Variants in SIGIRR observed in about 807,000 individuals in gnomAD.
SIGIRR encodes single Ig IL-1-related receptor.
In SIGIRR, 41 loss-of-function variants were observed where a neutral mutation model predicts 45.6. The observed-to-expected ratio is 0.90, with a 90% CI of 0.70 to 1.17. The LOEUF (loss-of-function observed/expected upper bound fraction) is 1.17. Among genes scored for constraint, SIGIRR ranks in the 50% most tolerant of loss-of-function variants. The pLI, the probability that SIGIRR is intolerant of heterozygous loss-of-function variation, is 0.00. For synonymous variants in SIGIRR, 298 were observed against 239.0 expected (o/e 1.25, Z -2.28); for missense variants, 599 against 539.6 (o/e 1.11, Z -1.09).
intron 1 of SIGIRR, among the ~76,000 whole-genome samples, chr11:413,281 C>G (rs971457852): frequency 6.6e-6 from 1 of 152,178 alleles, no homozygotes; most frequent in East Asian, 1.9e-4. Context: ...GCAGTTTCCT[C>G]GGGAACCGAT....
chr11:407,613 A>G, intron 5 of SIGIRR, 45 bp from the exon 6 acceptor site: 3 of 1,592,430 alleles, frequency 1.9e-6, no homozygotes, highest in Non-Finnish European at 2.6e-6. Flanking sequence ...GAGGCCTCAC[A>G]CCAGCCCTCG....
chr11:408,390 C>T (rs1847449944), intron 3 of SIGIRR, among the ~76,000 whole-genome samples, 184 bp from the exon 4 acceptor site: 2 of 152,196 alleles, frequency 1.3e-5, no homozygotes, highest in Admixed American at 1.3e-4. Context: ...ACAGCCGTCC[C>T]AGTCCTGGGT....
At position 408,167 on chromosome 11, in the gene SIGIRR, G is replaced by C. The variant is rs1847438738; in HGVS notation, c.246C>G (p.Val82=). ...CAGTGCTGGTCACGTTGACCCCCAG[G>C]ACACTGGACACAAGCACCTCTGACA... ...ANLSEVLVSS[V]LGVNVTSTEV... The change falls in exon 4 of 10, where the codon GTC becomes GTG. Residue 82 remains valine (V), a synonymous_variant. Transcript: ENST00000431843. 6.2e-7 allele frequency: 1 copy of C among 1,612,646 alleles called. No homozygotes were observed. Among genetic ancestry groups the C allele is most frequent in the Non-Finnish European group, 8.5e-7 (1 of 1,179,966 alleles).
chr11:409,672 C>T, intron 2 of SIGIRR, 196 bp downstream of exon 2: 1 of 496,316 alleles, frequency 2.0e-6, no homozygotes, highest in Non-Finnish European at 3.4e-6. Flanking sequence ...GGAGAGGGTG[C>T]AGGGCTCATC....
chr11:408,166 G>T lies in SIGIRR; in HGVS notation c.247C>A (p.Leu83Met), dbSNP rs1443923529. Residue 83 changes from leucine (L) to methionine (M), a missense_variant, in exon 4 of 10, where the codon CTG (leucine) becomes ATG (methionine). Physicochemically the swap from Leu to Met is conservative, Grantham distance 15. Coordinates refer to ENST00000431843, the MANE Select transcript of SIGIRR (RefSeq NM_001135054.2). Reference sequence around the variant, plus strand: ...TCAGTGCTGGTCACGTTGACCCCCAGGACACTGGACACAAGCACCTCTGAC... The same window carrying T: ...TCAGTGCTGGTCACGTTGACCCCCATGACACTGGACACAAGCACCTCTGAC... The part of the protein sequence containing the change: ...NLSEVLVSSV[L>M]GVNVTSTEVY... The T allele has an allele frequency of 2.5e-6, 4 of 1,612,674 alleles. No homozygotes were observed. Among genetic ancestry groups the T allele is most frequent in the Non-Finnish European group, 3.4e-6 (4 of 1,179,968 alleles).
chr11:415,330 T>G (rs1199881420), upstream of SIGIRR, among the ~76,000 whole-genome samples: 19 of 121,836 alleles, frequency 1.6e-4, no homozygotes, highest in South Asian at 1.1e-3. The surrounding 1 kb of genome is among the most constrained non-coding windows in gnomAD (Gnocchi z 6.6). Context: ...TGTTGTGGGG[T>G]GGGGGGTGCT....
At chr11:406,629 G>T in intron 8 of SIGIRR, 91 bp from the exon 9 acceptor site, 1 of 1,470,438 alleles carries the variant, frequency 6.8e-7, no homozygotes, top group Non-Finnish European at 9.0e-7. Context: ...GGCTGCCCAC[G>T]GGTTCCACGC....
chr11:409,130 T>C (rs1847480709), intron 2 of SIGIRR: 4 of 573,304 alleles, frequency 7.0e-6, no homozygotes, highest in African/African-American at 1.9e-5. Context: ...GTGGCCACAG[T>C]TGAGCTGCCC....
At position 405,979 on chromosome 11, in the gene SIGIRR, C is replaced by G. The variant is rs754950145; in HGVS notation, c.1150G>C (p.Glu384Gln). The stretch of plus-strand genomic sequence containing the variant: ...GAGCCGAGATCCGAGACGTCCACTT[C>G]GCTGCTCCGGCTCTCTCCCAGCGAG... ...GVSLGESRSS[E>Q]VDVSDLGSRN... Residue 384 changes from glutamate to glutamine, a missense_variant, in exon 10 of 10, where the codon GAA (glutamate) becomes CAA (glutamine). Glu to Gln is a conservative substitution (Grantham distance 29). Coordinates refer to ENST00000431843, the MANE Select transcript of SIGIRR (RefSeq NM_001135054.2). 6.2e-7 allele frequency: 1 copy of G among 1,612,382 alleles called. No individual in the cohort carries two copies. Among genetic ancestry groups the G allele is most frequent in the Non-Finnish European group, 8.5e-7 (1 of 1,179,778 alleles).
chr11:415,207 CGTGTGTGTGTGTGTGT>C (rs71022908), upstream of SIGIRR, among the ~76,000 whole-genome samples: 32,137 of 144,114 alleles, frequency 0.22, 4,009 homozygotes, highest in East Asian at 0.52. This position sits in a 1 kb window ranked among gnomAD's most constrained non-coding sequence, Gnocchi z 6.6. Context: ...CTCTGTGCAG[CGTGTGTGTGTGTGTGT>C]GTGTGTGTGT....
At chr11:408,421 G>A (rs999137676) in intron 3 of SIGIRR, among the ~76,000 whole-genome samples, 2 of 152,210 alleles carry the variant, frequency 1.3e-5, no homozygotes, top group African/African-American at 4.8e-5. Context: ...GAGGTCCTTT[G>A]ATCACAGACT....
In SIGIRR at chr11:410,015, G is replaced by A. The variant is rs1274265192; in HGVS notation, c.-141C>T. 1 of 1,242,750 alleles carries A rather than the reference G, an allele frequency of 8.0e-7. No homozygotes were observed. Among genetic ancestry groups the A allele is most frequent in the African/African-American group, 1.6e-5 (1 of 64,446 alleles). The allele number at this position is 1,242,750 out of a possible 1,614,324, so 77.0% of individuals were successfully genotyped here. On this transcript the variant is annotated 5_prime_UTR_variant, in exon 2 of 10. Transcript: ENST00000431843. ...TGCAGTCAGCTGGACAGGGCACCTG[G>A]ACAGGTCAGAGGCTGCCGCCATCCC...
chr11:415,162 G>A (rs866211793), upstream of SIGIRR, among the ~76,000 whole-genome samples: 1 of 151,820 alleles, frequency 6.6e-6, no homozygotes, highest in Non-Finnish European at 1.5e-5. The surrounding 1 kb of genome is among the most constrained non-coding windows in gnomAD (Gnocchi z 6.6). Flanking sequence ...CCTTCCTCTG[G>A]AGCCCGCCCC....
Position 405,862 on chromosome 11 carries a change from G to C in SIGIRR, c.*34C>G. The C allele has an allele frequency of 1.3e-6, 2 of 1,556,380 alleles. No homozygotes were observed. The highest frequency in any genetic ancestry group is 8.7e-7 in the Non-Finnish European group (1 of 1,146,044). ...GAGCGACGCCGCTGCCCTGGCCCCC[G>C]CTGTCCCTATGATCCTGCACTCTGG... On this transcript the variant is annotated 3_prime_UTR_variant, in exon 10 of 10. Transcript: ENST00000431843.
rs1366134237 is a variant in SIGIRR, at chr11:410,032, C to T, written c.-153-5G>A. 8.9e-6 allele frequency: 11 copies of T among 1,237,968 alleles called. No individual in the cohort carries two copies. Among genetic ancestry groups the T allele is most frequent in the Admixed American group, 8.2e-5 (2 of 24,462 alleles). The allele number at this position is 1,237,968 out of a possible 1,614,324, so 76.7% of individuals were successfully genotyped here. A position where few individuals can be genotyped will look rare whatever the true frequency, so the allele number is the denominator to read the frequency against. The stretch of plus-strand genomic sequence containing the variant: ...GGCACCTGGACAGGTCAGAGGCTGC[C>T]GCCATCCCCAGGGAACAAGTTAAAC... On this transcript the variant is annotated splice_region_variant and splice_polypyrimidine_tract_variant and intron_variant, in intron 1 of 9. Transcript: ENST00000431843.
intron 1 of SIGIRR, among the ~76,000 whole-genome samples, chr11:411,720 G>T (rs1014716140): frequency 2.7e-5 from 3 of 110,310 alleles, no homozygotes; most frequent in African/African-American, 3.2e-5. Flanking sequence ...GTCGGTGGGG[G>T]GGGGGGGTGC....
intron 2 of SIGIRR, chr11:409,239 C>T (rs540394111): frequency 6.6e-6 from 3 of 457,480 alleles, no homozygotes; most frequent in African/African-American, 2.0e-5. Flanking sequence ...CCTGGTGACA[C>T]CATGATGCCT....
In SIGIRR at chr11:407,364, C is replaced by CATGGGATGGGGCGGG. The variant is rs536580539; in HGVS notation, c.625+60_625+61insCCCGCCCCATCCCAT. 1.0e-4 allele frequency: 132 copies of CATGGGATGGGGCGGG among 1,313,618 alleles called. 1 individual carries two copies. Among genetic ancestry groups the CATGGGATGGGGCGGG allele is most frequent in the Admixed American group, 2.3e-4 (9 of 39,708 alleles). 81.4% of individuals were successfully genotyped at this position (1,313,618 alleles called of 1,614,324 possible). Reference sequence around the variant, plus strand: ...GGGTGGGGCCCCGGGTGGGACGGAGCATGGGGCGGGGCGGGGCGGGCCCTC... The same window carrying CATGGGATGGGGCGGG: ...GGGTGGGGCCCCGGGTGGGACGGAGCATGGGATGGGGCGGGATGGGGCGGGGCGGGGCGGGCCCTC... On this transcript the variant is annotated intron_variant, in intron 6 of 9. Coordinates refer to ENST00000431843, the MANE Select transcript of SIGIRR (RefSeq NM_001135054.2).
Position 408,801 on chromosome 11 carries a change from C to G in SIGIRR, c.100G>C (p.Ala34Pro). ...CAGTGGGGCCCAGAGACTACCCAAG[C>G]CGTGCAGTTCAGAGCCACTGAGCTG... The part of the protein sequence containing the change: ...LGSSVALNCT[A>P]WVVSGPHCSL... Residue 34 changes from alanine (A) to proline (P), a missense_variant, in exon 3 of 10, where the codon GCT (alanine) becomes CCT (proline). Ala to Pro is a conservative substitution (Grantham distance 27, BLOSUM62 -1). Transcript: ENST00000431843. 3 of 1,612,794 alleles carry G rather than the reference C, an allele frequency of 1.9e-6. No individual in the cohort carries two copies. The highest frequency in any genetic ancestry group is 2.5e-6 in the Non-Finnish European group (3 of 1,179,992).
Sources: gnomAD v4.1 joint callset for allele counts (sites outside exome capture counted in the v4.1 genomes callset) on GRCh38, gnomAD v4.1.1 for gene constraint, Gnocchi (gnomAD v3.1) non-coding constraint, MANE v1.5 for transcripts, NCBI Gene and HGNC (gene_info 2026-07-23, HGNC 2026-07-21) for gene names.